Variants in KIAA0319L observed in about 807,000 individuals in gnomAD.
KIAA0319L encodes the protein dyslexia-associated protein KIAA0319-like protein.
In KIAA0319L, 55 loss-of-function variants were observed where a neutral mutation model predicts 120.1. The ratio of observed to expected loss-of-function variants is 0.46; its 90% CI spans 0.37 to 0.57. The LOEUF (loss-of-function observed/expected upper bound fraction) is 0.57, where lower values mean the gene tolerates loss of function less well. Ranked by LOEUF, KIAA0319L falls within the 20% of genes least tolerant of loss-of-function variation. KIAA0319L has a pLI of 0.00. For missense variants in KIAA0319L, 1,049 were observed against 1,255.3 expected (o/e 0.84, Z 2.48); for synonymous variants, 398 against 471.9 (o/e 0.84, Z 2.03).
chr1:35,495,692 AC>A (rs1644775984), intron 3 of KIAA0319L, among the ~76,000 whole-genome samples: 1 of 151,964 alleles, frequency 6.6e-6, no homozygotes, highest in Non-Finnish European at 1.5e-5. Context: ...TCACTCTGTC[AC>A]CCAGGCTAGA....
chr1:35,521,996 TAAAG>T (rs950431445), intron 2 of KIAA0319L, among the ~76,000 whole-genome samples: 8 of 151,096 alleles, frequency 5.3e-5, no homozygotes, highest in East Asian at 2.0e-4. Context: ...AAAAAATAAA[TAAAG>T]AAGGAAGGAA....
At chr1:35,490,186 G>A (rs926095297) in intron 3 of KIAA0319L, among the ~76,000 whole-genome samples, 1 of 152,080 alleles carries the variant, frequency 6.6e-6, no homozygotes, top group Non-Finnish European at 1.5e-5. Context: ...AAGTTTAGAC[G>A]GCTAAGAAAT....
chr1:35,475,482 T>G (rs931175259), intron 4 of KIAA0319L, among the ~76,000 whole-genome samples: 2 of 152,248 alleles, frequency 1.3e-5, no homozygotes, highest in South Asian at 2.1e-4. Context: ...CAAGAATTTT[T>G]TTTTTCTTTT....
At position 35,453,404 on chromosome 1, in the gene KIAA0319L, T is replaced by G; in HGVS notation, c.1913+153A>C. On this transcript the variant is annotated intron_variant, in intron 12 of 20. Transcript: ENST00000325722. This position sits in a 1 kb window ranked among gnomAD's most constrained non-coding sequence, Gnocchi z 4.1. ...AAATTATGATTATAATATCATTTTCTTGGAGTTGAAGTTTGGAATTGCAAA... is the reference window on the plus strand; with the variant it reads ...AAATTATGATTATAATATCATTTTCGTGGAGTTGAAGTTTGGAATTGCAAA... The G allele has an allele frequency of 1.6e-6, 1 of 644,732 alleles. No individual in the cohort carries two copies. The highest frequency in any genetic ancestry group is 2.7e-6 in the Non-Finnish European group (1 of 375,784). The allele number at this position is 644,732 out of a possible 1,614,324, so 39.9% of individuals were successfully genotyped here. A position where few individuals can be genotyped will look rare whatever the true frequency, so the allele number is the denominator to read the frequency against.
intron 3 of KIAA0319L, among the ~76,000 whole-genome samples, chr1:35,503,525 A>AT (rs1275544741): frequency 6.6e-6 from 1 of 152,172 alleles, no homozygotes. Flanking sequence ...ACAAAGACCA[A>AT]TTTATTTTTA....
At chr1:35,440,293 C>G (rs1005438229) in intron 20 of KIAA0319L, 2 of 152,224 alleles carry the variant, frequency 1.3e-5, no homozygotes, top group Non-Finnish European at 2.9e-5. Flanking sequence ...CCCTATACCC[C>G]CATAGCCTCT....
At chr1:35,555,822 G>T (rs1261950774) in intron 1 of KIAA0319L, among the ~76,000 whole-genome samples, 1 of 152,250 alleles carries the variant, frequency 6.6e-6, no homozygotes, top group Non-Finnish European at 1.5e-5. Flanking sequence ...TGACAGGTGG[G>T]TGGGAGAAGC....
intron 2 of KIAA0319L, chr1:35,509,957 T>G (rs1283098183): frequency 6.6e-6 from 1 of 152,282 alleles, no homozygotes. Flanking sequence ...AGTACTGGTT[T>G]GAAACAAAGA....
chr1:35,497,370 G>A (rs1034212788), intron 3 of KIAA0319L, among the ~76,000 whole-genome samples: 3 of 151,932 alleles, frequency 2.0e-5, no homozygotes, highest in East Asian at 1.9e-4. Flanking sequence ...CAATAAAGTC[G>A]TTAAAAAGAA....
At chr1:35,435,753 C>T (rs10399590) in intron 20 of KIAA0319L, among the ~76,000 whole-genome samples, 10,286 of 152,254 alleles carry the variant, frequency 0.068, 966 homozygotes, top group East Asian at 0.44. Context: ...AAGACACCTG[C>T]GATTCTGCAA....
At chr1:35,459,124 T>C (rs755086243) in intron 9 of KIAA0319L, among the ~76,000 whole-genome samples, 2 of 151,918 alleles carry the variant, frequency 1.3e-5, no homozygotes, top group African/African-American at 2.4e-5. Context: ...CTGAGTGCAA[T>C]AGGGAAAGAG....
chr1:35,442,463 G>T, intron 18 of KIAA0319L, 127 bp from the exon 19 acceptor site: 1 of 743,274 alleles, frequency 1.3e-6, no homozygotes, highest in Non-Finnish European at 2.4e-6. Context: ...CCCCAGGAAG[G>T]TAAGACCTTG....
At chr1:35,509,206 G>C (rs1645326740) in intron 2 of KIAA0319L, among the ~76,000 whole-genome samples, 1 of 152,108 alleles carries the variant, frequency 6.6e-6, no homozygotes, top group Non-Finnish European at 1.5e-5. Flanking sequence ...TTTAAACAAA[G>C]TACCAGAAAG....
chr1:35,437,431 G>A lies in KIAA0319L; in HGVS notation c.2963-2350C>T, dbSNP rs1273755389. 1.3e-5 allele frequency among the ~76,000 whole-genome samples: 2 copies of A among 152,164 alleles called. No homozygotes were observed. The highest frequency in any genetic ancestry group is 2.9e-5 in the Non-Finnish European group (2 of 68,026). ...GATCTGTTCATGAGCCCTTCTCTGA[G>A]GAAGAGGAGGCCCTTGCCCTCTGCC... On this transcript the variant is annotated intron_variant, in intron 20 of 20. Coordinates refer to ENST00000325722, the MANE Select transcript of KIAA0319L (RefSeq NM_024874.5). The surrounding 1 kb of genome is among the most constrained non-coding windows in gnomAD (Gnocchi z 4.1).
At chr1:35,529,460 T>C (rs1238933960) in intron 2 of KIAA0319L, among the ~76,000 whole-genome samples, 1 of 152,238 alleles carries the variant, frequency 6.6e-6, no homozygotes, top group Non-Finnish European at 1.5e-5. Context: ...CTTCCGAATG[T>C]AGGACTCCCT....
chr1:35,474,358 G>A (rs996735011), intron 5 of KIAA0319L, among the ~76,000 whole-genome samples: 1 of 152,072 alleles, frequency 6.6e-6, no homozygotes, highest in Non-Finnish European at 1.5e-5. Context: ...TACCTCATAA[G>A]ATTACTTTAA....
intron 2 of KIAA0319L, among the ~76,000 whole-genome samples, chr1:35,548,234 T>C (rs1188539560): frequency 2.0e-5 from 3 of 152,238 alleles, no homozygotes; most frequent in East Asian, 1.9e-4. Context: ...GAGAGGTTCC[T>C]TGAAGACAGA....
intron 2 of KIAA0319L, among the ~76,000 whole-genome samples, chr1:35,517,829 A>G (rs991947702): frequency 6.6e-6 from 1 of 152,252 alleles, no homozygotes; most frequent in African/African-American, 2.4e-5. Context: ...GCATCTGACA[A>G]AAGTCTAATA....
chr1:35,454,601 G>A (rs1558315622), intron 10 of KIAA0319L, 116 bp from the exon 11 acceptor site: 2 of 1,487,738 alleles, frequency 1.3e-6, no homozygotes, highest in East Asian at 4.8e-5. Flanking sequence ...GATGGTACTG[G>A]GCTATTACGT....
Sources: gnomAD v4.1 joint callset for allele counts (sites outside exome capture counted in the v4.1 genomes callset) on GRCh38, gnomAD v4.1.1 for gene constraint, Gnocchi (gnomAD v3.1) non-coding constraint, MANE v1.5 for transcripts, NCBI Gene and HGNC (gene_info 2026-07-23, HGNC 2026-07-21) for gene names.